AOAH: variants seen among roughly 807,000 people sequenced by gnomAD.
AOAH encodes the protein acyloxyacyl hydrolase.
AOAH carries 64 observed loss-of-function variants against 92.2 expected under a neutral mutation model. The observed-to-expected ratio is 0.69, with a 90% confidence interval of 0.57 to 0.86. AOAH has a LOEUF of 0.86. AOAH is among the 40% of genes least tolerant of loss of function. The probability of loss-of-function intolerance (pLI) is 0.00; values close to 1 mark genes in which losing one functional copy is unlikely to be tolerated. For missense variants in AOAH, 656 were observed against 694.6 expected, an observed-to-expected ratio of 0.94 and a Z score of 0.62; for synonymous variants, 263 against 254.5, an observed-to-expected ratio of 1.03 and a Z score of -0.32.
intron 4 of AOAH, among the ~76,000 whole-genome samples, chr7:36,655,763 G>T (rs955446827): frequency 6.6e-6 from 1 of 152,122 alleles, no homozygotes; most frequent in African/African-American, 2.4e-5. Context: ...CATTTCCTTG[G>T]TATGTGTGAG....
At chr7:36,664,074 C>T (rs1313078370) in intron 3 of AOAH, among the ~76,000 whole-genome samples, 1 of 151,294 alleles carries the variant, frequency 6.6e-6, no homozygotes, top group African/African-American at 2.4e-5. Context: ...GGTTGTTTGT[C>T]GTTGAGTTTT....
At chr7:36,553,292 C>T (rs1399531789) in intron 13 of AOAH, among the ~76,000 whole-genome samples, 1 of 152,006 alleles carries the variant, frequency 6.6e-6, no homozygotes, top group African/African-American at 2.4e-5. Flanking sequence ...CTACAAAGGA[C>T]ATGAATGAAT....
At chr7:36,702,538 T>C (rs1478577616) in intron 1 of AOAH, among the ~76,000 whole-genome samples, 3 of 152,212 alleles carry the variant, frequency 2.0e-5, no homozygotes, top group East Asian at 3.8e-4. Context: ...AATAACTCAA[T>C]AGTCACATGA....
intron 20 of AOAH, 133 bp downstream of exon 20, chr7:36,521,906 A>G (rs768097314): frequency 8.0e-5 from 56 of 695,722 alleles, no homozygotes; most frequent in Non-Finnish European, 1.4e-4. Context: ...TCTATCCTAT[A>G]CATGTATGTA....
intron 9 of AOAH, 99 bp downstream of exon 9, chr7:36,620,682 C>A: frequency 8.6e-7 from 1 of 1,168,418 alleles, no homozygotes; most frequent in South Asian, 1.4e-5. Context: ...TTTAGGCTGT[C>A]ATAGTCTTCC....
chr7:36,558,149 A>G (rs1279808325), intron 13 of AOAH, among the ~76,000 whole-genome samples: 1 of 152,024 alleles, frequency 6.6e-6, no homozygotes, highest in Non-Finnish European at 1.5e-5. Context: ...ATGGTGATGT[A>G]CAGATGGGTT....
At chr7:36,549,406 C>T in intron 14 of AOAH, 33 bp downstream of exon 14, 1 of 1,545,492 alleles carries the variant, frequency 6.5e-7, no homozygotes, top group East Asian at 2.3e-5. Context: ...AATGAGAAAC[C>T]AAATTAAAAA....
intron 15 of AOAH, among the ~76,000 whole-genome samples, chr7:36,543,051 C>T (rs1457636021): frequency 6.6e-6 from 1 of 152,136 alleles, no homozygotes; most frequent in Non-Finnish European, 1.5e-5. Flanking sequence ...TAAACTATGT[C>T]ATGGATCGCT....
intron 1 of AOAH, among the ~76,000 whole-genome samples, chr7:36,712,659 A>C (rs368188959): frequency 6.6e-6 from 1 of 152,222 alleles, no homozygotes; most frequent in East Asian, 1.9e-4. Context: ...AAGCCAGAAG[A>C]GAGTGGGGGC....
intron 13 of AOAH, among the ~76,000 whole-genome samples, chr7:36,562,641 T>C (rs1003436929): frequency 6.6e-6 from 1 of 152,170 alleles, no homozygotes; most frequent in African/African-American, 2.4e-5. Context: ...AATCCCAGCA[T>C]TGGTTATCCC....
chr7:36,690,546 A>T (rs1235841999), intron 1 of AOAH, among the ~76,000 whole-genome samples: 1 of 152,242 alleles, frequency 6.6e-6, no homozygotes, highest in Non-Finnish European at 1.5e-5. Flanking sequence ...TGACAGGCTA[A>T]CGAATGTTTT....
chr7:36,560,669 T>C (rs1222135099), intron 13 of AOAH, among the ~76,000 whole-genome samples: 2 of 152,172 alleles, frequency 1.3e-5, no homozygotes, highest in Admixed American at 1.3e-4. Context: ...AAGAATCATA[T>C]TGTAGTGAAG....
intron 1 of AOAH, among the ~76,000 whole-genome samples, chr7:36,714,505 C>G (rs1798994671): frequency 6.6e-6 from 1 of 152,142 alleles, no homozygotes; most frequent in Admixed American, 6.5e-5. Context: ...GATACCAAAG[C>G]CTGGCAGAGA....
Position 36,547,739 on chromosome 7 carries a change from G to A in AOAH, c.1133+873C>T, listed in dbSNP as rs184001088. Among the ~76,000 whole-genome samples, 130 of 152,204 alleles carry A rather than the reference G, an allele frequency of 8.5e-4. 1 individual carries two copies. The South Asian group carries it at 0.014, about 16-fold the overall frequency. On this transcript the variant is annotated intron_variant, in intron 15 of 20. Transcript: ENST00000617537. ...CATCATATTCTTAGGGGTGTACACA[G>A]ATTTTGAGAAACCTCCCCAAATGTT...
chr7:36,626,358 G>GTCTT (rs1792664067), intron 6 of AOAH, among the ~76,000 whole-genome samples: 1 of 152,224 alleles, frequency 6.6e-6, no homozygotes, highest in Non-Finnish European at 1.5e-5. Context: ...ACAAAGAGTG[G>GTCTT]TCTTTAAGAT....
intron 20 of AOAH, among the ~76,000 whole-genome samples, chr7:36,517,928 CA>C: frequency 1.8e-4 from 8 of 45,436 alleles, no homozygotes; most frequent in Admixed American, 7.0e-4. Flanking sequence ...CACACACACA[CA>C]CCCACACACA....
At chr7:36,624,838 C>T (rs1329814528) in intron 6 of AOAH, among the ~76,000 whole-genome samples, 2 of 152,234 alleles carry the variant, frequency 1.3e-5, no homozygotes, top group African/African-American at 4.8e-5. Context: ...AGCCTGAGAA[C>T]ACCAACTCCT....
chr7:36,668,189 G>GTT (rs200325739), intron 3 of AOAH, among the ~76,000 whole-genome samples: 8 of 147,902 alleles, frequency 5.4e-5, no homozygotes, highest in Non-Finnish European at 1.1e-4. Flanking sequence ...AACATGAGAG[G>GTT]TTTTTGTGTG....
intron 16 of AOAH, among the ~76,000 whole-genome samples, chr7:36,537,104 C>T (rs530732051): frequency 6.6e-6 from 1 of 152,068 alleles, no homozygotes; most frequent in African/African-American, 2.4e-5. Context: ...CTAGGAAAGA[C>T]CCTGATGCTT....
Sources: allele counts gnomAD v4.1 joint callset (sites outside exome capture counted in the v4.1 genomes callset), GRCh38; gene constraint gnomAD v4.1.1; transcripts MANE v1.5; gene names NCBI Gene and HGNC (gene_info 2026-07-23, HGNC 2026-07-21).